GDI2: variants seen among roughly 807,000 people sequenced by gnomAD.
GDI2 encodes the protein GDP dissociation inhibitor 2.
Under a neutral mutation model 54.2 loss-of-function variants are expected in GDI2, and 22 were observed. That is an observed-to-expected ratio of 0.41 (90% confidence interval 0.29 to 0.58). The LOEUF (loss-of-function observed/expected upper bound fraction) is 0.58. Among genes scored for constraint, GDI2 ranks in the 20% least tolerant of loss-of-function variants. GDI2 has a pLI of 0.35. For missense variants in GDI2, 422 were observed against 546.0 expected (o/e 0.77, Z 2.26); for synonymous variants, 177 against 182.1 (o/e 0.97, Z 0.23).
At position 5,794,220 on chromosome 10, in the gene GDI2, TATATATATATATAA is replaced by T. The variant is rs1176181723; in HGVS notation, c.388+651_388+664del. Among the ~76,000 whole-genome samples, 182 of 103,708 alleles carry T rather than the reference TATATATATATATAA, an allele frequency of 1.8e-3. 2 individuals are homozygous for T. The highest frequency in any genetic ancestry group is 6.4e-3 in the African/African-American group (176 of 27,618). The allele number at this position is 103,708 out of a possible 152,430, so 68.0% of individuals were successfully genotyped here. On this transcript the variant is annotated intron_variant, in intron 4 of 10. Transcript: ENST00000380191. ...ATATATATATATATATATATATATATATATATATATATAAAACTCACCAGGAGTTCCTAAAATCA... is the reference window on the plus strand; with the variant it reads ...ATATATATATATATATATATATATATAACTCACCAGGAGTTCCTAAAATCA...
Position 5,813,411 on chromosome 10 carries a change from A to T in GDI2, c.-153T>A. 4.7e-6 allele frequency: 2 copies of T among 428,314 alleles called. No homozygotes were observed. Among genetic ancestry groups the T allele is most frequent in the Admixed American group, 3.6e-5 (1 of 27,938 alleles). 26.5% of individuals were successfully genotyped at this position (428,314 alleles called of 1,614,324 possible). A position where few individuals can be genotyped will look rare whatever the true frequency, so the allele number is the denominator to read the frequency against. On this transcript the variant is annotated 5_prime_UTR_variant, in exon 1 of 11. Coordinates refer to ENST00000380191, the MANE Select transcript of GDI2 (RefSeq NM_001494.4). ...TGGCGACAAGGCGAGACCGACCGCC[A>T]CCTCAGACGGGAAGAGAAGAACTGG...
At position 5,766,191 on chromosome 10, in the gene GDI2, GAT is replaced by G. The variant is rs1840326428; in HGVS notation, c.1192-41_1192-40del. 1 of 1,609,918 alleles carries G rather than the reference GAT, an allele frequency of 6.2e-7. No homozygotes were observed. The highest frequency in any genetic ancestry group is 8.5e-7 in the Non-Finnish European group (1 of 1,176,226). ...TTACGAAGACTTAAGACCATGGAGG[GAT>G]GTCTTCCAGTGAAACCTGCCCATAT... On this transcript the variant is annotated intron_variant, in intron 10 of 10. Transcript: ENST00000380191. The surrounding 1 kb of genome is among the most constrained non-coding windows in gnomAD (Gnocchi z 5.8).
chr10:5,765,689 T>C lies in GDI2; in HGVS notation c.*317A>G. On this transcript the variant is annotated 3_prime_UTR_variant, in exon 11 of 11. Coordinates refer to ENST00000380191, the MANE Select transcript of GDI2 (RefSeq NM_001494.4). ...CCAGCTCTTGAGCAGCAGCAGCACA[T>C]AGCTACACTGATTAAAAGATTAAAA... 1 of 276,308 alleles carries C rather than the reference T, an allele frequency of 3.6e-6. No individual in the cohort carries two copies. Among genetic ancestry groups the C allele is most frequent in the Middle Eastern group, 1.1e-3 (1 of 898 alleles). 17.1% of individuals were successfully genotyped at this position (276,308 alleles called of 1,614,324 possible). A position where few individuals can be genotyped will look rare whatever the true frequency, so the allele number is the denominator to read the frequency against.
At chr10:5,794,857 A>G (rs777670747) in intron 4 of GDI2, 28 bp downstream of exon 4, 6 of 1,473,974 alleles carry the variant, frequency 4.1e-6, no homozygotes, top group Non-Finnish European at 4.7e-6. Flanking sequence ...AAATAAAACT[A>G]GTTACTAGAG....
At chr10:5,793,292 A>G (rs1486577226) in intron 4 of GDI2, among the ~76,000 whole-genome samples, 1 of 152,006 alleles carries the variant, frequency 6.6e-6, no homozygotes, top group East Asian at 1.9e-4. Context: ...ACCACACCAC[A>G]CCACTGTTAA....
At chr10:5,809,244 C>CAAAAAAAAAAACAAAA in intron 1 of GDI2, among the ~76,000 whole-genome samples, 1 of 134,220 alleles carries the variant, frequency 7.5e-6, no homozygotes, top group South Asian at 2.5e-4. Context: ...GACTCCATCT[C>CAAAAAAAAAAACAAAA]AAAAAAAAAC....
chr10:5,782,411 A>G (rs2131695292), intron 6 of GDI2, among the ~76,000 whole-genome samples: 1 of 152,332 alleles, frequency 6.6e-6, no homozygotes, highest in East Asian at 1.9e-4. Flanking sequence ...ACTGTTTTAC[A>G]GTTTCTTATG....
At chr10:5,794,189 AT>A (rs1162703393) in intron 4 of GDI2, among the ~76,000 whole-genome samples, 4,544 of 33,492 alleles carry the variant, frequency 0.14, 498 homozygotes, top group Admixed American at 0.17. Flanking sequence ...AAAAAAAAAA[AT>A]ATATATATAT....
At chr10:5,770,963 C>CAAAAAA (rs59686031) in intron 7 of GDI2, among the ~76,000 whole-genome samples, 9 of 46,384 alleles carry the variant, frequency 1.9e-4, no homozygotes, top group Non-Finnish European at 2.3e-4. Context: ...GAGACTGTCT[C>CAAAAAA]AAAAAAAAAA....
At chr10:5,800,477 G>A in intron 2 of GDI2, 121 bp downstream of exon 2, 1 of 662,242 alleles carries the variant, frequency 1.5e-6, no homozygotes, top group Non-Finnish European at 2.7e-6. Context: ...CTGAAAAACA[G>A]TGCTCCAGAT....
In GDI2 at chr10:5,765,952, C is replaced by A; in HGVS notation, c.*54G>T. On this transcript the variant is annotated 3_prime_UTR_variant, in exon 11 of 11. Coordinates refer to ENST00000380191, the MANE Select transcript of GDI2 (RefSeq NM_001494.4). The stretch of plus-strand genomic sequence containing the variant: ...CTTACAATATTGATTTCATTATATG[C>A]ATTATTTGCCAAATTTTAAATGTGT... 7.5e-7 allele frequency: 1 copy of A among 1,327,492 alleles called. No individual in the cohort carries two copies. The highest frequency in any genetic ancestry group is 1.4e-5 in the South Asian group (1 of 71,322). The allele number at this position is 1,327,492 out of a possible 1,614,324, so 82.2% of individuals were successfully genotyped here.
In GDI2 at chr10:5,766,210, T is replaced by G; in HGVS notation, c.1191+31A>C. 6.2e-7 allele frequency: 1 copy of G among 1,610,986 alleles called. No homozygotes were observed. Among genetic ancestry groups the G allele is most frequent in the Non-Finnish European group, 8.5e-7 (1 of 1,177,074 alleles). The stretch of plus-strand genomic sequence containing the variant: ...TGGAGGGATGTCTTCCAGTGAAACC[T>G]GCCCATATCCTTTCACACTTCCATA... On this transcript the variant is annotated intron_variant, in intron 10 of 10. Coordinates refer to ENST00000380191, the MANE Select transcript of GDI2 (RefSeq NM_001494.4). This position sits in a 1 kb window ranked among gnomAD's most constrained non-coding sequence, Gnocchi z 5.8.
At position 5,765,718 on chromosome 10, in the gene GDI2, C is replaced by T. The variant is rs777932183; in HGVS notation, c.*288G>A. On this transcript the variant is annotated 3_prime_UTR_variant, in exon 11 of 11. Transcript: ENST00000380191. Reference sequence around the variant, plus strand: ...TACACTGATTAAAAGATTAAAAAAACTGTCTCAAGTTGTCTGTGTCGGTAT... The same window carrying T: ...TACACTGATTAAAAGATTAAAAAAATTGTCTCAAGTTGTCTGTGTCGGTAT... 1 of 322,586 alleles carries T rather than the reference C, an allele frequency of 3.1e-6. No individual in the cohort carries two copies. The highest frequency in any genetic ancestry group is 2.2e-5 in the African/African-American group (1 of 44,980). 20.0% of individuals were successfully genotyped at this position (322,586 alleles called of 1,614,324 possible). A position where few individuals can be genotyped will look rare whatever the true frequency, so the allele number is the denominator to read the frequency against.
At chr10:5,781,354 G>A (rs1265541989) in intron 6 of GDI2, among the ~76,000 whole-genome samples, 5 of 151,632 alleles carry the variant, frequency 3.3e-5, no homozygotes, top group African/African-American at 9.7e-5. Context: ...AGGGCCAGGC[G>A]CAGTGGCTCA....
intron 6 of GDI2, among the ~76,000 whole-genome samples, chr10:5,784,492 A>G (rs1840828970): frequency 6.6e-6 from 1 of 152,174 alleles, no homozygotes; most frequent in Non-Finnish European, 1.5e-5. Flanking sequence ...CAGAGTGTCA[A>G]AGAACCCTGT....
At chr10:5,812,712 G>A (rs1464281879) in intron 1 of GDI2, among the ~76,000 whole-genome samples, 6 of 152,210 alleles carry the variant, frequency 3.9e-5, no homozygotes, top group Non-Finnish European at 7.3e-5. Flanking sequence ...CAGTTCCGAA[G>A]CAGTGATTAT....
chr10:5,800,756 A>C (rs759505255), intron 1 of GDI2, 51 bp from the exon 2 acceptor site: 2 of 901,754 alleles, frequency 2.2e-6, no homozygotes. Context: ...GCATATTTAA[A>C]ACAGATCATT....
Position 5,785,094 on chromosome 10 carries a change from T to A in GDI2, c.719+48A>T, listed in dbSNP as rs773322020. On this transcript the variant is annotated intron_variant, in intron 6 of 10. Transcript: ENST00000380191. ...AACTATATCTCATATACACATTATGTTGAAGATGAGGTTTTGGATCACTGA... is the reference window on the plus strand; with the variant it reads ...AACTATATCTCATATACACATTATGATGAAGATGAGGTTTTGGATCACTGA... 7.2e-6 allele frequency: 10 copies of A among 1,386,442 alleles called. No individual in the cohort carries two copies. In the South Asian group the frequency reaches 1.1e-4, roughly 16 times the overall value. 85.9% of individuals were successfully genotyped at this position (1,386,442 alleles called of 1,614,324 possible).
At chr10:5,777,429 T>C (rs1354935274) in intron 6 of GDI2, among the ~76,000 whole-genome samples, 1 of 152,130 alleles carries the variant, frequency 6.6e-6, no homozygotes, top group African/African-American at 2.4e-5. Context: ...GCCAAGATCA[T>C]GCCATTCCAA....
Sources: allele counts gnomAD v4.1 joint callset (sites outside exome capture counted in the v4.1 genomes callset), GRCh38; gene constraint gnomAD v4.1.1; non-coding constraint Gnocchi (gnomAD v3.1); transcripts MANE v1.5; gene names NCBI Gene and HGNC (gene_info 2026-07-23, HGNC 2026-07-21).